SFXN5: variants seen among roughly 807,000 people sequenced by gnomAD.
SFXN5 encodes the protein sideroflexin 5.
SFXN5 carries 43 observed loss-of-function variants against 50.2 expected under a neutral mutation model. The ratio of observed to expected loss-of-function variants is 0.86; its 90% CI spans 0.67 to 1.11. The LOEUF is 1.11. Among genes scored for constraint, SFXN5 ranks in the 50% least tolerant of loss-of-function variants. SFXN5 has a pLI of 0.00. For missense variants in SFXN5, 463 were observed against 454.1 expected (o/e 1.02, Z -0.18); for synonymous variants, 203 against 185.8 (o/e 1.09, Z -0.75).
At chr2:72,962,430 G>C (rs1205774015) in intron 12 of SFXN5, among the ~76,000 whole-genome samples, 1 of 152,212 alleles carries the variant, frequency 6.6e-6, no homozygotes. Context: ...AGCAAAATTG[G>C]GAGTAGTTTT....
rs529435310 is a variant in SFXN5 at position 72,971,544 on chromosome 2, C to G, written c.741+26G>C. Reference sequence around the variant, plus strand: ...CTCCCCTCCCCTGTTGCTGGCCTCCCCAACCCTGCGAACCCCCAGACCCAC... The same window carrying G: ...CTCCCCTCCCCTGTTGCTGGCCTCCGCAACCCTGCGAACCCCCAGACCCAC... On this transcript the variant is annotated intron_variant, in intron 11 of 13. Transcript: ENST00000272433. 4.4e-5 allele frequency: 69 copies of G among 1,584,988 alleles called. 1 individual carries two copies. In the South Asian group the frequency reaches 7.5e-4, roughly 17 times the overall value.
chr2:72,965,433 C>T (rs988627296), intron 12 of SFXN5, among the ~76,000 whole-genome samples: 5 of 152,174 alleles, frequency 3.3e-5, no homozygotes, highest in African/African-American at 7.2e-5. Context: ...GCAAGAACCC[C>T]GGGATACAGA....
intron 12 of SFXN5, among the ~76,000 whole-genome samples, chr2:72,963,569 G>A (rs1674013002): frequency 6.6e-6 from 1 of 152,020 alleles, no homozygotes; most frequent in African/African-American, 2.4e-5. Flanking sequence ...AAGGAGGGAA[G>A]GGAAAGGCAG....
At chr2:72,985,040 C>A (rs894720618) in intron 10 of SFXN5, among the ~76,000 whole-genome samples, 6 of 152,128 alleles carry the variant, frequency 3.9e-5, no homozygotes, top group Non-Finnish European at 8.8e-5. Flanking sequence ...AGGGCACAAG[C>A]CTCTTCAGGA....
intron 3 of SFXN5, among the ~76,000 whole-genome samples, chr2:73,040,452 G>A (rs897909928): frequency 3.3e-5 from 5 of 152,158 alleles, no homozygotes; most frequent in East Asian, 1.9e-4. Context: ...GCTGGTAAAC[G>A]TTTAATAACC....
intron 9 of SFXN5, among the ~76,000 whole-genome samples, chr2:72,993,346 C>G (rs2105620655): frequency 6.6e-6 from 1 of 152,266 alleles, no homozygotes; most frequent in Non-Finnish European, 1.5e-5. Flanking sequence ...CCCCAGCCAG[C>G]CTGCCGCTTG....
chr2:73,071,318 C>G, intron 1 of SFXN5: 3 of 428,600 alleles, frequency 7.0e-6, no homozygotes, highest in Non-Finnish European at 1.3e-5. Flanking sequence ...TGACCGCAGC[C>G]GCCGGTGGCC....
intron 6 of SFXN5, among the ~76,000 whole-genome samples, chr2:73,001,784 T>C (rs1326159322): frequency 6.6e-6 from 1 of 152,206 alleles, no homozygotes; most frequent in East Asian, 1.9e-4. Flanking sequence ...AGCATAATCT[T>C]ATTTATTTAA....
intron 6 of SFXN5, among the ~76,000 whole-genome samples, chr2:73,015,184 T>C (rs2105791946): frequency 6.6e-6 from 1 of 152,356 alleles, no homozygotes; most frequent in African/African-American, 2.4e-5. Flanking sequence ...AGTTATGTTT[T>C]ATTTTATCAA....
intron 1 of SFXN5, among the ~76,000 whole-genome samples, chr2:73,068,471 T>C: frequency 6.6e-6 from 1 of 152,170 alleles, no homozygotes; most frequent in East Asian, 1.9e-4. Context: ...TCAGCACTGA[T>C]GAACCTTACA....
At chr2:73,049,550 C>A (rs536066591) in intron 2 of SFXN5, 2 of 152,300 alleles carry the variant, frequency 1.3e-5, no homozygotes, top group Non-Finnish European at 2.9e-5. Context: ...CCACCATACC[C>A]GGCCAGGCCT....
At chr2:73,046,763 G>A (rs1680392446) in intron 2 of SFXN5, among the ~76,000 whole-genome samples, 1 of 152,084 alleles carries the variant, frequency 6.6e-6, no homozygotes. Context: ...AGTATCTAAG[G>A]GTACTGACAA....
At chr2:72,979,288 C>T (rs563195505) in intron 10 of SFXN5, among the ~76,000 whole-genome samples, 8 of 152,082 alleles carry the variant, frequency 5.3e-5, no homozygotes, top group Admixed American at 1.3e-4. Context: ...GTGTATCTAA[C>T]GTTCTCTTTC....
chr2:72,946,259 GTC>G (rs1254175272), intron 13 of SFXN5, among the ~76,000 whole-genome samples: 6 of 151,994 alleles, frequency 3.9e-5, no homozygotes, highest in Non-Finnish European at 2.9e-5. Context: ...CTACTACCTG[GTC>G]TCTCTCCTCC....
At chr2:73,011,008 T>C (rs1177007782) in intron 6 of SFXN5, among the ~76,000 whole-genome samples, 1 of 152,116 alleles carries the variant, frequency 6.6e-6, no homozygotes, top group Admixed American at 6.5e-5. Context: ...AAAAGGATAT[T>C]ATAAAAACAA....
intron 2 of SFXN5, among the ~76,000 whole-genome samples, chr2:73,052,768 T>C (rs1237437311): frequency 6.6e-6 from 1 of 152,210 alleles, no homozygotes; most frequent in East Asian, 1.9e-4. Flanking sequence ...TTCCCTGGCC[T>C]ACAGAGAAGG....
intron 13 of SFXN5, among the ~76,000 whole-genome samples, chr2:72,946,580 G>A (rs1671954779): frequency 6.6e-6 from 1 of 152,062 alleles, no homozygotes; most frequent in Non-Finnish European, 1.5e-5. Context: ...GCCAAACTTT[G>A]CTGTGGATGT....
intron 11 of SFXN5, among the ~76,000 whole-genome samples, 188 bp downstream of exon 11, chr2:72,971,382 G>C (rs1444113334): frequency 1.3e-5 from 2 of 152,038 alleles, no homozygotes; most frequent in Non-Finnish European, 2.9e-5. Flanking sequence ...ACCATGTCCA[G>C]GGGAACATGC....
chr2:72,968,968 A>G (rs1674824010), intron 11 of SFXN5, among the ~76,000 whole-genome samples: 1 of 151,708 alleles, frequency 6.6e-6, no homozygotes, highest in Non-Finnish European at 1.5e-5. Flanking sequence ...ATACCTGGCT[A>G]ATTTTTGTAT....
Sources: gnomAD v4.1 joint callset for allele counts (sites outside exome capture counted in the v4.1 genomes callset) on GRCh38, gnomAD v4.1.1 for gene constraint, MANE v1.5 for transcripts, NCBI Gene and HGNC (gene_info 2026-07-23, HGNC 2026-07-21) for gene names.